Variants in MYO3B observed in about 807,000 individuals in gnomAD.
MYO3B encodes myosin-IIIb.
Under a neutral mutation model 174.6 loss-of-function variants are expected in MYO3B, and 156 were observed. That is an observed-to-expected ratio of 0.89 (90% CI 0.78 to 1.02). The LOEUF is 1.02. MYO3B is among the 50% of genes least tolerant of loss of function. The pLI is 0.00. For missense variants in MYO3B, 1,632 were observed against 1,639.4 expected, an observed-to-expected ratio of 1.00 and a Z score of 0.08; for synonymous variants, 563 against 569.1, an observed-to-expected ratio of 0.99 and a Z score of 0.15.
chr2:170,192,265 T>C (rs575010778), intron 1 of MYO3B, among the ~76,000 whole-genome samples: 1 of 151,034 alleles, frequency 6.6e-6, no homozygotes, highest in East Asian at 1.9e-4. Flanking sequence ...TCTTCCATTA[T>C]ATGTCTACTT....
At chr2:170,316,966 A>T (rs142442616) in intron 7 of MYO3B, among the ~76,000 whole-genome samples, 1 of 152,294 alleles carries the variant, frequency 6.6e-6, no homozygotes, top group East Asian at 1.9e-4. Flanking sequence ...TTGTAAAGAG[A>T]TGTGGCCATT....
intron 32 of MYO3B, among the ~76,000 whole-genome samples, chr2:170,641,857 G>GT (rs1491046615): frequency 1.1e-5 from 1 of 91,790 alleles, no homozygotes; most frequent in Non-Finnish European, 2.0e-5. Context: ...TTATTGTTAA[G>GT]TGGGGGGGGG....
intron 25 of MYO3B, among the ~76,000 whole-genome samples, chr2:170,481,923 A>G (rs947784119): frequency 6.6e-6 from 1 of 152,136 alleles, no homozygotes; most frequent in Non-Finnish European, 1.5e-5. Context: ...GAAACTTTGA[A>G]TGACTTCTTT....
chr2:170,649,831 A>T (rs1412088225), intron 32 of MYO3B: 1 of 138,746 alleles, frequency 7.2e-6, no homozygotes, highest in Admixed American at 8.0e-5. Flanking sequence ...TCAAAAAAAA[A>T]AAAAAAGGAC....
At chr2:170,431,744 G>T (rs1469421280) in intron 22 of MYO3B, among the ~76,000 whole-genome samples, 1 of 152,164 alleles carries the variant, frequency 6.6e-6, no homozygotes, top group African/African-American at 2.4e-5. Flanking sequence ...TGTTATCTGT[G>T]CATACCTTTC....
chr2:170,433,171 A>G (rs1209652868), intron 22 of MYO3B, among the ~76,000 whole-genome samples: 1 of 152,208 alleles, frequency 6.6e-6, no homozygotes, highest in African/African-American at 2.4e-5. Flanking sequence ...CCATTGTGTT[A>G]TAATTGCCTA....
At chr2:170,195,918 A>G (rs2092595141) in intron 1 of MYO3B, among the ~76,000 whole-genome samples, 1 of 152,190 alleles carries the variant, frequency 6.6e-6, no homozygotes, top group Non-Finnish European at 1.5e-5. Flanking sequence ...TTGACACTCA[A>G]TATTAACCAT....
At chr2:170,262,912 ATACT>A (rs1252479020) in intron 7 of MYO3B, among the ~76,000 whole-genome samples, 1 of 152,224 alleles carries the variant, frequency 6.6e-6, no homozygotes, top group Non-Finnish European at 1.5e-5. Context: ...CATTTAATGC[ATACT>A]TAATCTACTC....
intron 1 of MYO3B, among the ~76,000 whole-genome samples, chr2:170,180,751 T>C (rs2092388442): frequency 6.6e-6 from 1 of 152,182 alleles, no homozygotes; most frequent in African/African-American, 2.4e-5. Context: ...TGTAGCCTTC[T>C]GGAAAAATGT....
chr2:170,642,843 C>T (rs1010416083), intron 32 of MYO3B, among the ~76,000 whole-genome samples: 1 of 152,116 alleles, frequency 6.6e-6, no homozygotes, highest in East Asian at 1.9e-4. Flanking sequence ...TCTGAGCATT[C>T]CTGAAATAGT....
At chr2:170,484,209 C>A (rs1244745765) in intron 25 of MYO3B, among the ~76,000 whole-genome samples, 2 of 152,080 alleles carry the variant, frequency 1.3e-5, no homozygotes, top group African/African-American at 2.4e-5. Flanking sequence ...TGGTAGTAGT[C>A]CCCCAGATAG....
intron 7 of MYO3B, among the ~76,000 whole-genome samples, chr2:170,313,491 A>G (rs967550462): frequency 6.6e-6 from 1 of 152,188 alleles, no homozygotes; most frequent in Non-Finnish European, 1.5e-5. Context: ...GCCTTGGTCT[A>G]TGTCTAATCT....
chr2:170,344,563 C>T (rs1471827846), intron 8 of MYO3B: 1 of 152,108 alleles, frequency 6.6e-6, no homozygotes, highest in African/African-American at 2.4e-5. Flanking sequence ...CCACACCTAG[C>T]TGCAAAGGAA....
chr2:170,197,108 A>G (rs1047678503), intron 1 of MYO3B, among the ~76,000 whole-genome samples: 5 of 151,998 alleles, frequency 3.3e-5, no homozygotes, highest in Non-Finnish European at 7.4e-5. Flanking sequence ...ACTCAGAGCA[A>G]GAGGACAGCT....
intron 23 of MYO3B, among the ~76,000 whole-genome samples, chr2:170,461,214 C>G (rs1684258299): frequency 1.3e-5 from 2 of 152,034 alleles, no homozygotes; most frequent in South Asian, 4.2e-4. Context: ...GTGACTCACT[C>G]CTGTAATCCC....
chr2:170,500,727 G>T (rs2106081516), intron 27 of MYO3B, among the ~76,000 whole-genome samples: 1 of 152,272 alleles, frequency 6.6e-6, no homozygotes, highest in East Asian at 1.9e-4. Context: ...CTCCCAGAAT[G>T]ACTGAGATAA....
At chr2:170,306,852 A>C (rs2093704032) in intron 7 of MYO3B, among the ~76,000 whole-genome samples, 1 of 152,140 alleles carries the variant, frequency 6.6e-6, no homozygotes, top group Non-Finnish European at 1.5e-5. Flanking sequence ...TCATAGGTTC[A>C]CATTGCATGT....
Position 170,651,886 on chromosome 2 carries a change from T to C in MYO3B, c.3840+152T>C, listed in dbSNP as rs1699036742. 26 of 743,794 alleles carry C rather than the reference T, an allele frequency of 3.5e-5. No homozygotes were observed. The East Asian group carries it at 7.0e-4, about 20-fold the overall frequency. The allele number at this position is 743,794 out of a possible 1,614,324, so 46.1% of individuals were successfully genotyped here. ...TTAGGCTCTTTATCTGTTGCTTTCATGTCAGGATGTCTGCCTTCACGGTGA... is the reference window on the plus strand; with the variant it reads ...TTAGGCTCTTTATCTGTTGCTTTCACGTCAGGATGTCTGCCTTCACGGTGA... On this transcript the variant is annotated intron_variant, in intron 33 of 34. Coordinates refer to ENST00000408978, the MANE Select transcript of MYO3B (RefSeq NM_138995.5).
At chr2:170,525,537 G>T (rs191201854) in intron 30 of MYO3B, among the ~76,000 whole-genome samples, 189 of 152,264 alleles carry the variant, frequency 1.2e-3, no homozygotes, top group African/African-American at 4.4e-3. Context: ...TGATAATGCT[G>T]GTGCAAATGT....
Sources: gnomAD v4.1 joint callset for allele counts (sites outside exome capture counted in the v4.1 genomes callset) on GRCh38, gnomAD v4.1.1 for gene constraint, MANE v1.5 for transcripts, NCBI Gene and HGNC (gene_info 2026-07-23, HGNC 2026-07-21) for gene names.